CNTNAP2: variants seen among roughly 807,000 people sequenced by gnomAD.
CNTNAP2 encodes contactin associated protein 2.
Under a neutral mutation model 155.2 loss-of-function variants are expected in CNTNAP2, and 98 were observed. The ratio of observed to expected loss-of-function variants is 0.63; its 90% confidence interval spans 0.54 to 0.75. The LOEUF (loss-of-function observed/expected upper bound fraction) is 0.75. Among genes scored for constraint, CNTNAP2 ranks in the 30% least tolerant of loss-of-function variants. The pLI is 0.00. For missense variants in CNTNAP2, 1,727 were observed against 1,688.1 expected, an observed-to-expected ratio of 1.02 and a Z score of -0.40; for synonymous variants, 651 against 631.2, an observed-to-expected ratio of 1.03 and a Z score of -0.47.
chr7:146,508,145 T>A (rs988874552), intron 1 of CNTNAP2, among the ~76,000 whole-genome samples: 1 of 152,222 alleles, frequency 6.6e-6, no homozygotes, highest in Non-Finnish European at 1.5e-5. Flanking sequence ...CCATGCACTA[T>A]CTGCACCTCC....
intron 15 of CNTNAP2, among the ~76,000 whole-genome samples, chr7:148,057,950 C>CTTATTA (rs60012733): frequency 0.29 from 41,201 of 142,390 alleles, 6,308 homozygotes; most frequent in East Asian, 0.34. Context: ...CAGCTTCCAG[C>CTTATTA]TTATTATTAT....
At chr7:146,925,756 C>T (rs1796596193) in intron 3 of CNTNAP2, among the ~76,000 whole-genome samples, 2 of 152,078 alleles carry the variant, frequency 1.3e-5, no homozygotes, top group Admixed American at 6.6e-5. Context: ...TCTGACAACA[C>T]CTTGAATGTT....
chr7:147,444,813 T>C (rs1797704548), intron 10 of CNTNAP2, among the ~76,000 whole-genome samples: 1 of 152,196 alleles, frequency 6.6e-6, no homozygotes, highest in African/African-American at 2.4e-5. Context: ...GTTATCACAC[T>C]GCTATAAAGA....
At chr7:147,590,249 G>T (rs1287428828) in intron 12 of CNTNAP2, among the ~76,000 whole-genome samples, 1 of 151,768 alleles carries the variant, frequency 6.6e-6, no homozygotes, top group Non-Finnish European at 1.5e-5. Context: ...CCTGTTACAT[G>T]CCATAACCCG....
At chr7:147,834,219 C>A (rs1798598989) in intron 13 of CNTNAP2, among the ~76,000 whole-genome samples, 1 of 152,184 alleles carries the variant, frequency 6.6e-6, no homozygotes, top group South Asian at 2.1e-4. Flanking sequence ...TCAGACTTTG[C>A]ACTGAACATG....
At chr7:147,022,187 C>T (rs1004020831) in intron 3 of CNTNAP2, among the ~76,000 whole-genome samples, 3 of 152,048 alleles carry the variant, frequency 2.0e-5, no homozygotes, top group Non-Finnish European at 4.4e-5. Context: ...GATAAAGCTT[C>T]CCATTTTATT....
chr7:147,509,079 G>C (rs1412737484), intron 11 of CNTNAP2, among the ~76,000 whole-genome samples: 1 of 152,156 alleles, frequency 6.6e-6, no homozygotes, highest in African/African-American at 2.4e-5. Context: ...CAGGCATTCT[G>C]AGCATGCTAT....
chr7:147,393,303 C>A (rs1303161615), intron 9 of CNTNAP2, among the ~76,000 whole-genome samples: 1 of 151,982 alleles, frequency 6.6e-6, no homozygotes, highest in African/African-American at 2.4e-5. Context: ...CAAGATCAAA[C>A]AGAACATTGT....
At chr7:148,259,441 A>T (rs1418262796) in intron 20 of CNTNAP2, among the ~76,000 whole-genome samples, 1 of 152,094 alleles carries the variant, frequency 6.6e-6, no homozygotes, top group Non-Finnish European at 1.5e-5. Context: ...TGATATTTTG[A>T]AGAAAAAAGA....
intron 8 of CNTNAP2, among the ~76,000 whole-genome samples, chr7:147,282,837 T>A (rs1314576254): frequency 1.3e-5 from 2 of 151,936 alleles, no homozygotes; most frequent in East Asian, 3.9e-4. Context: ...CTCAAGCAAC[T>A]TTCCTGCTTT....
At chr7:147,792,745 A>T (rs73460128) in intron 13 of CNTNAP2, among the ~76,000 whole-genome samples, 9,260 of 152,222 alleles carry the variant, frequency 0.061, 316 homozygotes, top group African/African-American at 0.081. Context: ...GCTATATTGT[A>T]ACAGTATGTG....
intron 11 of CNTNAP2, among the ~76,000 whole-genome samples, chr7:147,500,773 A>T (rs181630235): frequency 6.6e-6 from 1 of 152,332 alleles, no homozygotes; most frequent in African/African-American, 2.4e-5. Context: ...ATTCTCAATA[A>T]GAGAGAAGAA....
chr7:148,324,370 A>G (rs894926716), intron 21 of CNTNAP2, among the ~76,000 whole-genome samples: 34 of 152,142 alleles, frequency 2.2e-4, no homozygotes, highest in African/African-American at 8.2e-4. Flanking sequence ...TTTAATTGCA[A>G]ATCCCACTGC....
rs187286432 is a variant in CNTNAP2, at chr7:146,163,145, T to C, written c.97+46172T>C. On this transcript the variant is annotated intron_variant, in intron 1 of 23. Transcript: ENST00000361727. ...ACGTTGTGCACATGTACCCTAGAAC[T>C]TAAAGTATAATAATAAAAAAATTAA... Among the ~76,000 whole-genome samples the C allele has an allele frequency of 4.8e-3, 737 of 152,194 alleles. 7 individuals are homozygous for C. Among genetic ancestry groups the C allele is most frequent in the African/African-American group, 0.017 (701 of 41,514 alleles).
At chr7:146,976,873 G>A (rs187209703) in intron 3 of CNTNAP2, among the ~76,000 whole-genome samples, 79 of 152,270 alleles carry the variant, frequency 5.2e-4, no homozygotes, top group African/African-American at 1.6e-3. Context: ...TTCTCTCCCA[G>A]GAATGGGGCA....
At chr7:146,620,101 T>C (rs1302969492) in intron 1 of CNTNAP2, among the ~76,000 whole-genome samples, 1 of 152,204 alleles carries the variant, frequency 6.6e-6, no homozygotes, top group Non-Finnish European at 1.5e-5. Flanking sequence ...TTCACTGGGA[T>C]GCTTTTCCAC....
rs550797537 is a variant in CNTNAP2 at position 147,471,258 on chromosome 7, T to C, written c.1671-14677T>C. Among the ~76,000 whole-genome samples, 26 of 152,276 alleles carry C rather than the reference T, an allele frequency of 1.7e-4. No homozygotes were observed. The East Asian group carries it at 4.6e-3, about 27-fold the overall frequency. ...TGCATACAAAGTTTAACCTGAAACT[T>C]AAAAAATTTAGACCTTTCAGTTTAC... On this transcript the variant is annotated intron_variant, in intron 10 of 23. Coordinates refer to ENST00000361727, the MANE Select transcript of CNTNAP2 (RefSeq NM_014141.6).
intron 1 of CNTNAP2, among the ~76,000 whole-genome samples, chr7:146,442,878 A>G (rs1400187928): frequency 1.3e-5 from 2 of 152,052 alleles, no homozygotes; most frequent in Admixed American, 6.6e-5. Context: ...TTCATACTCC[A>G]TGGCTTGTGC....
intron 3 of CNTNAP2, among the ~76,000 whole-genome samples, chr7:146,923,525 A>G (rs957862958): frequency 2.0e-5 from 3 of 152,176 alleles, no homozygotes; most frequent in Non-Finnish European, 2.9e-5. Context: ...CTGTAATGAT[A>G]AATACACACA....
Sources: gnomAD v4.1 joint callset for allele counts (sites outside exome capture counted in the v4.1 genomes callset) on GRCh38, gnomAD v4.1.1 for gene constraint, MANE v1.5 for transcripts, NCBI Gene and HGNC (gene_info 2026-07-23, HGNC 2026-07-21) for gene names.